SAMD15: variants seen among roughly 807,000 people sequenced by gnomAD.
SAMD15 encodes sterile alpha motif domain containing 15, also known as sterile alpha motif domain-containing protein 15.
A neutral mutation model predicts 50.5 loss-of-function variants in SAMD15; 37 were observed. The observed-to-expected ratio is 0.73, with a 90% confidence interval of 0.56 to 0.96. SAMD15 has a LOEUF of 0.96. SAMD15 is among the 40% of genes least tolerant of loss of function. The pLI is 0.00. For synonymous variants in SAMD15, 255 were observed against 282.8 expected (o/e 0.90, Z 0.99); for missense variants, 789 against 783.8 (o/e 1.01, Z -0.08).
At chr14:77,389,251 T>C (rs968546550) in intron 2 of SAMD15, among the ~76,000 whole-genome samples, 2 of 152,144 alleles carry the variant, frequency 1.3e-5, no homozygotes, top group African/African-American at 4.8e-5. Flanking sequence ...TAAAAGGCAT[T>C]GCTAATGGGC....
At chr14:77,379,263 C>A (rs1893913874) in intron 1 of SAMD15, 156 bp downstream of exon 1, 2 of 656,878 alleles carry the variant, frequency 3.0e-6, no homozygotes, top group Admixed American at 3.0e-5. Flanking sequence ...TTGGCCTTGC[C>A]ACTGATGTAT....
chr14:77,379,753 G>T (rs554096635), intron 1 of SAMD15, among the ~76,000 whole-genome samples: 1 of 152,240 alleles, frequency 6.6e-6, no homozygotes, highest in East Asian at 1.9e-4. Context: ...AGGCTTTTTG[G>T]TACTTTGTCA....
chr14:77,380,292 A>G, intron 1 of SAMD15, 91 bp from the exon 2 acceptor site: 2 of 848,366 alleles, frequency 2.4e-6, no homozygotes, highest in South Asian at 2.7e-5. Flanking sequence ...GGGTAGAACA[A>G]ACACGACTTC....
chr14:77,385,637 C>A (rs1271261245), intron 2 of SAMD15, among the ~76,000 whole-genome samples: 1 of 152,042 alleles, frequency 6.6e-6, no homozygotes, highest in Non-Finnish European at 1.5e-5. Flanking sequence ...AAATATGTTT[C>A]CCTATGAAAG....
At chr14:77,384,988 C>T (rs1893987577) in intron 2 of SAMD15, among the ~76,000 whole-genome samples, 1 of 151,880 alleles carries the variant, frequency 6.6e-6, no homozygotes, top group South Asian at 2.1e-4. Flanking sequence ...TTCAAGACCA[C>T]CTGACCAACA....
intron 2 of SAMD15, among the ~76,000 whole-genome samples, chr14:77,389,990 C>T (rs1894052549): frequency 1.4e-5 from 2 of 139,620 alleles, no homozygotes; most frequent in Admixed American, 1.5e-4. Context: ...AATGAGGTAA[C>T]TATTTGTTAT....
In SAMD15 at chr14:77,377,603, A is replaced by C. The variant is rs1893858958; in HGVS notation, c.185A>C (p.Glu62Ala). The C allele has an allele frequency of 6.2e-7, 1 of 1,614,064 alleles. No individual in the cohort carries two copies. The highest frequency in any genetic ancestry group is 8.5e-7 in the Non-Finnish European group (1 of 1,180,032). ...GAGCCACAGCCAGAGACCGAGGAAG[A>C]GGACTTCAAAGAGGGGGAGCCAGAC... ...YQEPQPETEE[E>A]DFKEGEPDSA... Residue 62 changes from glutamate to alanine, a missense_variant, in exon 1 of 3, where the codon GAG (glutamate) becomes GCG (alanine). Physicochemically the swap from Glu to Ala is moderately radical, Grantham distance 107. This residue lies in a region of SAMD15 where 770 missense variants were observed against 745.4 expected (regional missense o/e 1.03). Transcript: ENST00000216471.
At chr14:77,389,279 A>T (rs1317054546) in intron 2 of SAMD15, among the ~76,000 whole-genome samples, 2 of 152,064 alleles carry the variant, frequency 1.3e-5, no homozygotes, top group Non-Finnish European at 2.9e-5. Flanking sequence ...TATCAGGTTT[A>T]GCATTGTCTG....
At chr14:77,388,702 A>G (rs1894036413) in intron 2 of SAMD15, among the ~76,000 whole-genome samples, 1 of 151,430 alleles carries the variant, frequency 6.6e-6, no homozygotes. Context: ...TCTGCCTCCC[A>G]GGTTCAAGCG....
intron 1 of SAMD15, 121 bp downstream of exon 1, chr14:77,379,228 G>A: frequency 1.1e-6 from 1 of 904,754 alleles, no homozygotes; most frequent in East Asian, 2.5e-5. Flanking sequence ...CCTAGACTGT[G>A]GTAGAGGTAA....
At chr14:77,388,158 T>G (rs2139652998) in intron 2 of SAMD15, among the ~76,000 whole-genome samples, 1 of 152,262 alleles carries the variant, frequency 6.6e-6, no homozygotes, top group African/African-American at 2.4e-5. Flanking sequence ...GCTCTTTTTG[T>G]TAATAATGTG....
In SAMD15 at chr14:77,380,383, G is replaced by T. The variant is rs1464145276; in HGVS notation, c.1690G>T (p.Glu564Ter). 5 of 1,601,980 alleles carry T rather than the reference G, an allele frequency of 3.1e-6. No individual in the cohort carries two copies. Among genetic ancestry groups the T allele is most frequent in the African/African-American group, 1.3e-5 (1 of 74,564 alleles). ...ISQLGFPQYK[E>*]CFITNFISGR... ...AGTGATGTCCTTGTTGTATTGACAG[G>T]AGTGTTTTATCACAAACTTCATCAG... The change falls in exon 2 of 3, where the codon GAG becomes TAG. Residue 564 changes from glutamate to a stop codon, truncating the protein, a stop_gained and splice_region_variant. Transcript: ENST00000216471. LOFTEE classifies it high-confidence loss of function.
Position 77,391,442 on chromosome 14 carries a change from C to T in SAMD15, c.*198C>T, listed in dbSNP as rs1894071756. 2.3e-6 allele frequency: 1 copy of T among 443,522 alleles called. No homozygotes were observed. 27.5% of individuals were successfully genotyped at this position (443,522 alleles called of 1,614,324 possible). ...TTGCGATTCTCCTGTCTCAGCCTCC[C>T]GAGTAGCTGGGATTACAGGCATCCG... On this transcript the variant is annotated 3_prime_UTR_variant, in exon 3 of 3. Transcript: ENST00000216471.
At position 77,378,151 on chromosome 14, in the gene SAMD15, CAAAG is replaced by C. The variant is rs756222564; in HGVS notation, c.735_738del (p.Arg246SerfsTer32). ...CAAACCAGAGACTCCAGAGGAGACA[CAAAG>C]AGAGTCAACTGAGAAGAAAAGGACA... On this transcript the variant is annotated frameshift_variant, in exon 1 of 3. Transcript: ENST00000216471. LOFTEE classifies it high-confidence loss of function. The C allele has an allele frequency of 1.2e-6, 2 of 1,613,288 alleles. No individual in the cohort carries two copies. The highest frequency in any genetic ancestry group is 1.7e-6 in the Non-Finnish European group (2 of 1,179,836).
Position 77,377,938 on chromosome 14 carries a change from G to C in SAMD15, c.520G>C (p.Ala174Pro). Residue 174 changes from alanine to proline, a missense_variant, in exon 1 of 3, where the codon GCC becomes CCC. This residue lies in a region of SAMD15 where 770 missense variants were observed against 745.4 expected (regional missense o/e 1.03). Transcript: ENST00000216471. ...PTETMSEVSGATVRERNLELL... is the reference protein window; with the variant it reads ...PTETMSEVSGPTVRERNLELL... ...GGAAACCATGTCTGAGGTTTCGGGG[G>C]CCACAGTCAGAGAGAGAAATTTAGA... The C allele has an allele frequency of 6.2e-7, 1 of 1,614,084 alleles. No homozygotes were observed. Among genetic ancestry groups the C allele is most frequent in the Non-Finnish European group, 8.5e-7 (1 of 1,180,018 alleles).
At chr14:77,386,067 G>T (rs375465736) in intron 2 of SAMD15, among the ~76,000 whole-genome samples, 13 of 151,954 alleles carry the variant, frequency 8.6e-5, no homozygotes, top group East Asian at 5.8e-4. Flanking sequence ...TATTGCCCAG[G>T]CTGGTCTTAA....
In SAMD15 at chr14:77,380,477, T is replaced by C; in HGVS notation, c.1784T>C (p.Met595Thr). Reference protein sequence around the residue: ...PQMGITNFEDMKAISRHTQEL... With the variant: ...PQMGITNFEDTKAISRHTQEL... ...ATGGGGATAACAAACTTTGAGGACA[T>C]GAAGGTGAGTTGTGTCCAAAGTTTC... Residue 595 changes from methionine to threonine, a missense_variant, in exon 2 of 3, where the codon ATG (methionine) becomes ACG (threonine). By Grantham distance (81) the Met-to-Thr change is moderately conservative. This residue lies in a region of SAMD15 where 770 missense variants were observed against 745.4 expected (regional missense o/e 1.03). Coordinates refer to ENST00000216471, the MANE Select transcript of SAMD15 (RefSeq NM_001010860.4). 6.2e-7 allele frequency: 1 copy of C among 1,607,216 alleles called. No individual in the cohort carries two copies. Among genetic ancestry groups the C allele is most frequent in the Non-Finnish European group, 8.5e-7 (1 of 1,173,784 alleles).
At chr14:77,380,182 G>A (rs906137110) in intron 1 of SAMD15, among the ~76,000 whole-genome samples, 6 of 152,130 alleles carry the variant, frequency 3.9e-5, no homozygotes, top group Admixed American at 3.9e-4. Context: ...AGGAGTTCGA[G>A]GCTGCAGTGA....
At position 77,377,640 on chromosome 14, in the gene SAMD15, C is replaced by A; in HGVS notation, c.222C>A (p.Asn74Lys). The A allele has an allele frequency of 6.2e-7, 1 of 1,614,154 alleles. No individual in the cohort carries two copies. Among genetic ancestry groups the A allele is most frequent in the South Asian group, 1.1e-5 (1 of 91,086 alleles). The change falls in exon 1 of 3, where the codon AAC becomes AAA. Residue 74 changes from asparagine to lysine, a missense_variant. Physicochemically the swap from Asn to Lys is moderately conservative, Grantham distance 94. This residue lies in a region of SAMD15 where 770 missense variants were observed against 745.4 expected (regional missense o/e 1.03). Coordinates refer to ENST00000216471, the MANE Select transcript of SAMD15 (RefSeq NM_001010860.4). Reference sequence around the variant, plus strand: ...AGGGGGAGCCAGACAGTGCTAAGAACGTGCAGCTGAAACCTGGCGGGACGT... The same window carrying A: ...AGGGGGAGCCAGACAGTGCTAAGAAAGTGCAGCTGAAACCTGGCGGGACGT... ...FKEGEPDSAK[N>K]VQLKPGGTSQ...
Sources: allele counts gnomAD v4.1 joint callset (sites outside exome capture counted in the v4.1 genomes callset), GRCh38; gene constraint gnomAD v4.1.1; regional missense constraint gnomAD v4.1.1; transcripts MANE v1.5; gene names NCBI Gene and HGNC (gene_info 2026-07-23, HGNC 2026-07-21).